GALNT6: variants seen among roughly 807,000 people sequenced by gnomAD.
GALNT6 encodes polypeptide N-acetylgalactosaminyltransferase 6, also known as GalNAc transferase 6.
A neutral mutation model predicts 65.9 loss-of-function variants in GALNT6; 51 were observed. The ratio of observed to expected loss-of-function variants is 0.77; its 90% CI spans 0.62 to 0.98. The LOEUF (loss-of-function observed/expected upper bound fraction) is 0.98. GALNT6 is among the 50% of genes least tolerant of loss of function. GALNT6 has a pLI of 0.00. For missense variants in GALNT6, 708 were observed against 803.3 expected, an observed-to-expected ratio of 0.88 and a Z score of 1.43; for synonymous variants, 323 against 315.1, an observed-to-expected ratio of 1.02 and a Z score of -0.26.
At chr12:51,366,528 A>G (rs549392387) in intron 4 of GALNT6, among the ~76,000 whole-genome samples, 1 of 152,292 alleles carries the variant, frequency 6.6e-6, no homozygotes, top group African/African-American at 2.4e-5. Flanking sequence ...AAATACTTGC[A>G]CCAAGCACCT....
intron 4 of GALNT6, among the ~76,000 whole-genome samples, chr12:51,370,295 A>T (rs921507362): frequency 6.6e-6 from 1 of 152,226 alleles, no homozygotes; most frequent in African/African-American, 2.4e-5. Context: ...CTGTAATCTC[A>T]GCACTTTGGG....
chr12:51,372,920 A>C (rs1041740008), intron 4 of GALNT6, among the ~76,000 whole-genome samples: 1 of 152,258 alleles, frequency 6.6e-6, no homozygotes, highest in African/African-American at 2.4e-5. Flanking sequence ...TGGAACTTTA[A>C]GGCTTAATGA....
intron 2 of GALNT6, chr12:51,382,237 G>T (rs999027034): frequency 4.6e-5 from 7 of 152,238 alleles, no homozygotes; most frequent in African/African-American, 1.4e-4. Context: ...AGAGGCGGGG[G>T]ACACAGAGAA....
intron 6 of GALNT6, among the ~76,000 whole-genome samples, chr12:51,361,369 C>G (rs916234309): frequency 6.6e-6 from 1 of 152,238 alleles, no homozygotes; most frequent in African/African-American, 2.4e-5. Context: ...CCCTGCCCCT[C>G]AGGGACTATT....
intron 8 of GALNT6, 88 bp from the exon 9 acceptor site, chr12:51,358,349 G>A: frequency 6.9e-7 from 1 of 1,452,386 alleles, no homozygotes; most frequent in Non-Finnish European, 9.4e-7. Context: ...TGCCCAGGCT[G>A]GAGTGCAGTG....
intron 4 of GALNT6, among the ~76,000 whole-genome samples, chr12:51,375,939 C>T (rs1412497616): frequency 6.6e-6 from 1 of 152,054 alleles, no homozygotes; most frequent in Admixed American, 6.6e-5. Flanking sequence ...TGGCTCACTG[C>T]AGCCTACGCC....
At position 51,379,704 on chromosome 12, in the gene GALNT6, G is replaced by A; in HGVS notation, c.78C>T (p.Leu26=). 1.2e-6 allele frequency: 2 copies of A among 1,614,002 alleles called. No individual in the cohort carries two copies. The highest frequency in any genetic ancestry group is 1.7e-6 in the Non-Finnish European group (2 of 1,179,948). Residue 26 remains leucine (L), a synonymous_variant, in exon 3 of 12, where the codon CTC becomes CTT. Transcript: ENST00000356317. ...CTCTGCTGCTCACATCCCTATGCAGGAGGAAGAGGAAGAGCACAAAGGCGC... is the reference window on the plus strand; with the variant it reads ...CTCTGCTGCTCACATCCCTATGCAGAAGGAAGAGGAAGAGCACAAAGGCGC... The part of the protein sequence containing the change: ...VGCAFVLFLF[L]LHRDVSSREE...
At chr12:51,359,551 C>G (rs1406802058) in intron 7 of GALNT6, 3 of 450,318 alleles carry the variant, frequency 6.7e-6, no homozygotes, top group Non-Finnish European at 7.9e-6. Flanking sequence ...CTGACTTAAG[C>G]ACAGGGAGAC....
intron 3 of GALNT6, 32 bp from the exon 4 acceptor site, chr12:51,377,399 C>T: frequency 6.2e-7 from 1 of 1,604,390 alleles, no homozygotes; most frequent in Non-Finnish European, 8.5e-7. Flanking sequence ...CAAAGTTCTC[C>T]TGGTCCCTGG....
rs1208173925 is a variant in GALNT6 at position 51,353,989 on chromosome 12, C to T, written c.*390G>A. ...TGTTGCTCAGGCCGGTCTTGAACTC[C>T]TGGGCTCAAGCCATTCTCCCACATT... On this transcript the variant is annotated 3_prime_UTR_variant, in exon 12 of 12. Transcript: ENST00000356317. 1.2e-5 allele frequency: 2 copies of T among 166,216 alleles called. No homozygotes were observed. The highest frequency in any genetic ancestry group is 2.4e-5 in the African/African-American group (1 of 41,436). The allele number at this position is 166,216 out of a possible 1,614,324, so 10.3% of individuals were successfully genotyped here. A position where few individuals can be genotyped will look rare whatever the true frequency, so the allele number is the denominator to read the frequency against.
At chr12:51,388,497 T>A (rs11829256) in intron 2 of GALNT6, among the ~76,000 whole-genome samples, 3 of 152,128 alleles carry the variant, frequency 2.0e-5, no homozygotes, top group African/African-American at 7.2e-5. Context: ...ATTTCTTTTC[T>A]TTCAAATTCT....
chr12:51,357,615 G>A (rs79706076), intron 9 of GALNT6, among the ~76,000 whole-genome samples, 165 bp from the exon 10 acceptor site: 1 of 152,232 alleles, frequency 6.6e-6, no homozygotes, highest in African/African-American at 2.4e-5. Flanking sequence ...CACATGCCTG[G>A]AGCTAACAGC....
At chr12:51,384,553 A>T (rs1398915509) in intron 2 of GALNT6, among the ~76,000 whole-genome samples, 3 of 151,996 alleles carry the variant, frequency 2.0e-5, no homozygotes, top group Non-Finnish European at 4.4e-5. Context: ...TTAGCCAGGC[A>T]TGGTGGCATG....
intron 2 of GALNT6, among the ~76,000 whole-genome samples, chr12:51,390,156 CTTTTTT>C (rs796243349): frequency 1.6e-4 from 19 of 116,308 alleles, no homozygotes; most frequent in East Asian, 1.1e-3. Context: ...TTCTTTCTTT[CTTTTTT>C]TTTTTTTTTT....
chr12:51,375,610 T>C lies in GALNT6; in HGVS notation c.664+1585A>G, dbSNP rs976809019. On this transcript the variant is annotated intron_variant, in intron 4 of 11. Coordinates refer to ENST00000356317, the MANE Select transcript of GALNT6 (RefSeq NM_007210.4). ...TCTCACTCTGTAGCCCAGGCTGGAG[T>C]GCAGTAACATGATCTCGGCTCACTG... Among the ~76,000 whole-genome samples the C allele has an allele frequency of 9.4e-5, 14 of 148,864 alleles. 1 individual carries two copies. Among genetic ancestry groups the C allele is most frequent in the African/African-American group, 3.2e-4 (13 of 40,220 alleles).
intron 3 of GALNT6, 135 bp from the exon 4 acceptor site, chr12:51,377,502 G>C (rs1202495569): frequency 1.4e-6 from 1 of 713,294 alleles, no homozygotes; most frequent in Non-Finnish European, 2.4e-6. Context: ...ATAGCAGGTG[G>C]GAACAGCTGT....
At chr12:51,362,160 G>A (rs1946943663) in intron 6 of GALNT6, among the ~76,000 whole-genome samples, 1 of 152,118 alleles carries the variant, frequency 6.6e-6, no homozygotes, top group South Asian at 2.1e-4. Context: ...AACTGCAGAG[G>A]AGCACTTGGA....
At chr12:51,358,282 C>T (rs1267373587) in intron 8 of GALNT6, 21 bp from the exon 9 acceptor site, 11 of 1,609,634 alleles carry the variant, frequency 6.8e-6, no homozygotes, top group Non-Finnish European at 7.6e-6. Flanking sequence ...AGCCAGCCCC[C>T]TAAGGATCAG....
At position 51,359,155 on chromosome 12, in the gene GALNT6, G is replaced by A. The variant is rs1397030568; in HGVS notation, c.1345C>T (p.Gln449Ter). 3.7e-6 allele frequency: 6 copies of A among 1,613,998 alleles called. No individual in the cohort carries two copies. Among genetic ancestry groups the A allele is most frequent in the Admixed American group, 1.7e-5 (1 of 60,028 alleles). Residue 449 changes from glutamine (Q) to a stop codon, truncating the protein, a stop_gained, in exon 8 of 12, where the codon CAG becomes TAG. Coordinates refer to ENST00000356317, the MANE Select transcript of GALNT6 (RefSeq NM_007210.4). LOFTEE classifies it high-confidence loss of function. ...ACCTCTTGGGCCATCTTTGCTGCCT[G>A]CAGATTTCTCCTATAGAAAATCTTC... is the stretch of plus-strand genomic sequence containing the variant. ...YKKIFYRRNL[Q>*]AAKMAQEKSF...
Sources: gnomAD v4.1 joint callset for allele counts (sites outside exome capture counted in the v4.1 genomes callset) on GRCh38, gnomAD v4.1.1 for gene constraint, MANE v1.5 for transcripts, NCBI Gene and HGNC (gene_info 2026-07-23, HGNC 2026-07-21) for gene names.